NRXN1: variants seen among roughly 807,000 people sequenced by gnomAD.
NRXN1 encodes the protein neurexin-1.
A neutral mutation model predicts 150.9 loss-of-function variants in NRXN1; 39 were observed. That is an observed-to-expected ratio of 0.26 (90% CI 0.20 to 0.34). The LOEUF is 0.34. Among genes scored for constraint, NRXN1 ranks in the 10% least tolerant of loss-of-function variants. The pLI, the probability that NRXN1 is intolerant of heterozygous loss-of-function variation, is 1.00. For synonymous variants in NRXN1, 924 were observed against 757.0 expected (o/e 1.22, Z -3.62); for missense variants, 1,815 against 1,949.9 (o/e 0.93, Z 1.30).
chr2:49,958,017 G>A (rs964612394), intron 21 of NRXN1, among the ~76,000 whole-genome samples: 17 of 152,242 alleles, frequency 1.1e-4, no homozygotes, highest in Middle Eastern at 3.4e-3. Context: ...TAAGGCCTTT[G>A]AAAAATACTA....
chr2:50,792,460 T>C (rs1706187600), intron 5 of NRXN1, among the ~76,000 whole-genome samples: 1 of 152,090 alleles, frequency 6.6e-6, no homozygotes, highest in Non-Finnish European at 1.5e-5. Flanking sequence ...TTTAAACATA[T>C]TATCTAATAC....
chr2:50,779,803 T>C lies in NRXN1; in HGVS notation c.832+142066A>G, dbSNP rs762032885. ...TAAAATAAAATAAAACAAAACAAAATAAAATAAAATAAAATAAAATAAACA... is the reference window on the plus strand; with the variant it reads ...TAAAATAAAATAAAACAAAACAAAACAAAATAAAATAAAATAAAATAAACA... On this transcript the variant is annotated intron_variant, in intron 5 of 22. Coordinates refer to ENST00000401669, the MANE Select transcript of NRXN1 (RefSeq NM_001330078.2). 1.5e-4 allele frequency among the ~76,000 whole-genome samples: 22 copies of C among 151,404 alleles called. 1 individual carries two copies. The South Asian group carries it at 1.9e-3, about 13-fold the overall frequency.
intron 5 of NRXN1, among the ~76,000 whole-genome samples, chr2:50,781,389 G>A (rs1396606631): frequency 3.3e-5 from 5 of 151,786 alleles, no homozygotes; most frequent in Admixed American, 2.0e-4. Flanking sequence ...AAAAAAGGAC[G>A]TCAATGTCTT....
At chr2:50,369,123 A>G (rs541254201) in intron 17 of NRXN1, among the ~76,000 whole-genome samples, 1 of 152,122 alleles carries the variant, frequency 6.6e-6, no homozygotes, top group Non-Finnish European at 1.5e-5. Context: ...ACCACTAATA[A>G]GAAAATAGAC....
At chr2:50,051,724 A>T (rs1295537027) in intron 21 of NRXN1, among the ~76,000 whole-genome samples, 1 of 152,094 alleles carries the variant, frequency 6.6e-6, no homozygotes, top group Non-Finnish European at 1.5e-5. Flanking sequence ...AAAGGATCAC[A>T]TTGCAGGCAA....
intron 21 of NRXN1, among the ~76,000 whole-genome samples, chr2:50,039,441 G>T (rs947106989): frequency 6.6e-6 from 1 of 152,174 alleles, no homozygotes; most frequent in Admixed American, 6.5e-5. Context: ...ACTGCAGCTT[G>T]GACAACAGAG....
chr2:50,138,576 G>C (rs183777283), intron 18 of NRXN1, among the ~76,000 whole-genome samples: 1 of 152,330 alleles, frequency 6.6e-6, no homozygotes, highest in East Asian at 1.9e-4. Context: ...AAATTATCAT[G>C]TCTCACTGCC....
At chr2:50,134,781 C>G (rs1319645689) in intron 18 of NRXN1, among the ~76,000 whole-genome samples, 1 of 152,118 alleles carries the variant, frequency 6.6e-6, no homozygotes, top group African/African-American at 2.4e-5. Flanking sequence ...CAAACTGAGT[C>G]GCAGGTTGTA....
At chr2:50,286,777 A>G (rs889361620) in intron 17 of NRXN1, among the ~76,000 whole-genome samples, 1 of 152,130 alleles carries the variant, frequency 6.6e-6, no homozygotes, top group Non-Finnish European at 1.5e-5. Flanking sequence ...TCATAAATAT[A>G]TAGAAATTCA....
intron 17 of NRXN1, among the ~76,000 whole-genome samples, chr2:50,373,811 T>G (rs1343313574): frequency 6.6e-6 from 1 of 152,060 alleles, no homozygotes; most frequent in Non-Finnish European, 1.5e-5. Flanking sequence ...CATTTGCAGG[T>G]CTTGGCTTTA....
intron 5 of NRXN1, among the ~76,000 whole-genome samples, chr2:50,665,120 T>C (rs1687836115): frequency 6.6e-6 from 1 of 151,940 alleles, no homozygotes; most frequent in Non-Finnish European, 1.5e-5. Flanking sequence ...TATGCACAAA[T>C]GAAAAAGAGA....
At chr2:50,517,364 A>G (rs1476444701) in intron 12 of NRXN1, among the ~76,000 whole-genome samples, 1 of 151,970 alleles carries the variant, frequency 6.6e-6, no homozygotes, top group East Asian at 1.9e-4. Context: ...CATAACGGCA[A>G]TTCACTAAGT....
At chr2:50,271,566 T>G (rs976974550) in intron 17 of NRXN1, among the ~76,000 whole-genome samples, 1 of 152,154 alleles carries the variant, frequency 6.6e-6, no homozygotes, top group Non-Finnish European at 1.5e-5. Context: ...TTAGGACAGG[T>G]TGAAACCCAA....
chr2:50,416,221 G>A (rs2083530964), intron 17 of NRXN1, among the ~76,000 whole-genome samples: 1 of 152,064 alleles, frequency 6.6e-6, no homozygotes, highest in African/African-American at 2.4e-5. Flanking sequence ...AATTGGAAGT[G>A]GTGGAAGTGA....
intron 5 of NRXN1, among the ~76,000 whole-genome samples, chr2:50,650,392 C>T (rs770428733): frequency 4.6e-5 from 7 of 152,046 alleles, no homozygotes; most frequent in East Asian, 1.9e-4. Flanking sequence ...ACTCGCTTTC[C>T]GGTTTTATGC....
Position 50,346,570 on chromosome 2 carries a change from A to C in NRXN1, c.3365-109600T>G. The C allele has an allele frequency of 2.8e-6, 3 of 1,064,862 alleles. No individual in the cohort carries two copies. The highest frequency in any genetic ancestry group is 1.6e-5 in the African/African-American group (1 of 63,576). The allele number at this position is 1,064,862 out of a possible 1,614,324, so 66.0% of individuals were successfully genotyped here. ...TAAGTGGCTCGCACCAAGCACACCCAAATGCACCTCCCTTTTGTCGAGCTC... is the reference window on the plus strand; with the variant it reads ...TAAGTGGCTCGCACCAAGCACACCCCAATGCACCTCCCTTTTGTCGAGCTC... On this transcript the variant is annotated intron_variant, in intron 17 of 22. Transcript: ENST00000401669. This position sits in a 1 kb window ranked among gnomAD's most constrained non-coding sequence, Gnocchi z 5.0.
At position 50,289,474 on chromosome 2, in the gene NRXN1, G is replaced by A. The variant is rs114820860; in HGVS notation, c.3365-52504C>T. On this transcript the variant is annotated intron_variant, in intron 17 of 22. Coordinates refer to ENST00000401669, the MANE Select transcript of NRXN1 (RefSeq NM_001330078.2). ...CCACTTATTCACTGCCTTTTCATAT[G>A]AATGTGTGGTATAAAGCTGGACTGA... 2.5e-3 allele frequency among the ~76,000 whole-genome samples: 378 copies of A among 152,160 alleles called. 1 individual carries two copies. The highest frequency in any genetic ancestry group is 9.0e-3 in the African/African-American group (373 of 41,512).
chr2:50,440,775 A>G (rs1043617261), intron 17 of NRXN1, among the ~76,000 whole-genome samples: 2 of 152,088 alleles, frequency 1.3e-5, no homozygotes, highest in South Asian at 2.1e-4. Context: ...TTTTTGATTT[A>G]TGAAAAGGTG....
At chr2:50,914,900 G>C (rs187139811) in intron 5 of NRXN1, among the ~76,000 whole-genome samples, 1 of 151,674 alleles carries the variant, frequency 6.6e-6, no homozygotes, top group Admixed American at 6.6e-5. Flanking sequence ...CACTGCTCTA[G>C]GGACCCTTGA....
Sources: allele counts gnomAD v4.1 joint callset (sites outside exome capture counted in the v4.1 genomes callset), GRCh38; gene constraint gnomAD v4.1.1; non-coding constraint Gnocchi (gnomAD v3.1); transcripts MANE v1.5; gene names NCBI Gene and HGNC (gene_info 2026-07-23, HGNC 2026-07-21).